The following TAFA1 variants were observed in gnomAD, a reference collection of about 807,000 sequenced individuals.
TAFA1 encodes TAFA chemokine like family member 1, also known as chemokine-like protein TAFA-1.
In TAFA1, 4 loss-of-function variants were observed where a neutral mutation model predicts 18.5. The ratio of observed to expected loss-of-function variants is 0.22; its 90% CI spans 0.11 to 0.49. The LOEUF is 0.49. Among genes scored for constraint, TAFA1 ranks in the 20% least tolerant of loss-of-function variants. The pLI is 0.98. For synonymous variants in TAFA1, 56 were observed against 55.2 expected (o/e 1.01, Z -0.06); for missense variants, 147 against 169.0 (o/e 0.87, Z 0.72).
intron 3 of TAFA1, among the ~76,000 whole-genome samples, chr3:68,518,678 G>A (rs866330929): frequency 3.9e-5 from 6 of 152,118 alleles, no homozygotes; most frequent in East Asian, 1.9e-4. Flanking sequence ...TGGCTGTTTC[G>A]TTCACATCTG....
At chr3:68,352,949 A>T (rs965129777) in intron 2 of TAFA1, among the ~76,000 whole-genome samples, 7 of 152,060 alleles carry the variant, frequency 4.6e-5, no homozygotes, top group African/African-American at 1.7e-4. Flanking sequence ...TTCTGTTCTG[A>T]CCAAATCTAA....
At chr3:68,121,893 G>A (rs1241426432) in intron 2 of TAFA1, among the ~76,000 whole-genome samples, 1 of 151,842 alleles carries the variant, frequency 6.6e-6, no homozygotes, top group Non-Finnish European at 1.5e-5. Flanking sequence ...CTGGGAGGAG[G>A]GAAGATTAAT....
rs1433008320 is a variant in TAFA1, at chr3:68,004,314, G to C, written c.-392G>C. 6.6e-6 allele frequency: 1 copy of C among 152,150 alleles called. No individual in the cohort carries two copies. The highest frequency in any genetic ancestry group is 1.5e-5 in the Non-Finnish European group (1 of 68,062). The allele number at this position is 152,150 out of a possible 1,614,324, so 9.4% of individuals were successfully genotyped here. On this transcript the variant is annotated 5_prime_UTR_variant, in exon 1 of 5. Transcript: ENST00000478136. ...ACATTTTGCTGCCTTACTCTGCCCC[G>C]AATGCACTGGAGTGGGGATGGTCCA...
intron 2 of TAFA1, among the ~76,000 whole-genome samples, chr3:68,189,368 C>G (rs752589479): frequency 2.0e-5 from 3 of 151,904 alleles, no homozygotes; most frequent in Non-Finnish European, 4.4e-5. Context: ...TACTACCATT[C>G]AACCCTGTCC....
At chr3:68,328,626 A>G (rs766744253) in intron 2 of TAFA1, among the ~76,000 whole-genome samples, 12 of 152,140 alleles carry the variant, frequency 7.9e-5, no homozygotes, top group Non-Finnish European at 1.6e-4. Flanking sequence ...TGAGGCATAG[A>G]TGTGTTACCT....
In TAFA1 at chr3:68,429,386, A is replaced by G. The variant is rs536657238; in HGVS notation, c.259+11966A>G. On this transcript the variant is annotated intron_variant, in intron 3 of 4. Transcript: ENST00000478136. Reference sequence around the variant, plus strand: ...TAGGTACTATTATTCCCACTTTACAAGGGAAGAACCTGATGCCTTAGAGAA... The same window carrying G: ...TAGGTACTATTATTCCCACTTTACAGGGGAAGAACCTGATGCCTTAGAGAA... 2.0e-5 allele frequency among the ~76,000 whole-genome samples: 3 copies of G among 152,000 alleles called. No homozygotes were observed. The East Asian group carries it at 5.8e-4, about 30-fold the overall frequency.
chr3:68,178,907 T>C (rs1324730185), intron 2 of TAFA1, among the ~76,000 whole-genome samples: 1 of 152,204 alleles, frequency 6.6e-6, no homozygotes, highest in Non-Finnish European at 1.5e-5. Context: ...CAGTAGTATC[T>C]CTCTGAGCTT....
At chr3:68,539,697 T>TGGGGGGGG (rs2073340826) in intron 4 of TAFA1, among the ~76,000 whole-genome samples, 1 of 18,836 alleles carries the variant, frequency 5.3e-5, no homozygotes, top group Non-Finnish European at 9.3e-5. Context: ...ATGGGGTGGG[T>TGGGGGGGG]GGGTGGGTGT....
At position 68,040,632 on chromosome 3, in the gene TAFA1, A is replaced by G. The variant is rs755856639; in HGVS notation, c.118+33888A>G. Among the ~76,000 whole-genome samples, 37 of 152,336 alleles carry G rather than the reference A, an allele frequency of 2.4e-4. 1 individual carries two copies. Among genetic ancestry groups the G allele is most frequent in the Middle Eastern group, 3.4e-3 (1 of 294 alleles). ...CAGTGGCTCAGGAAGTGTGGTCATC[A>G]TACCAGCAGCATCAACATCACCTGA... On this transcript the variant is annotated intron_variant, in intron 2 of 4. Transcript: ENST00000478136.
chr3:68,435,837 A>G (rs2071258194), intron 3 of TAFA1, among the ~76,000 whole-genome samples: 1 of 152,186 alleles, frequency 6.6e-6, no homozygotes, highest in Admixed American at 6.6e-5. Flanking sequence ...TATCTTAACC[A>G]TGTAAAAACA....
chr3:68,509,526 AT>A (rs2072814748), intron 3 of TAFA1, among the ~76,000 whole-genome samples: 2 of 152,104 alleles, frequency 1.3e-5, no homozygotes, highest in South Asian at 4.1e-4. Flanking sequence ...TACTATCTGG[AT>A]TTTCATGTAA....
Position 68,352,920 on chromosome 3 carries a change from T to C in TAFA1, c.119-64360T>C, listed in dbSNP as rs556273366. The stretch of plus-strand genomic sequence containing the variant: ...TACCTATGATGACCTTCCCAGGGTA[T>C]AGGGCTGCCTTTGGAGACTTCTGTT... On this transcript the variant is annotated intron_variant, in intron 2 of 4. Transcript: ENST00000478136. Among the ~76,000 whole-genome samples, 4 of 152,166 alleles carry C rather than the reference T, an allele frequency of 2.6e-5. No individual in the cohort carries two copies. In the East Asian group the frequency reaches 7.8e-4, roughly 29 times the overall value.
chr3:68,168,447 TTAA>T (rs1393950223), intron 2 of TAFA1, among the ~76,000 whole-genome samples: 2 of 152,230 alleles, frequency 1.3e-5, no homozygotes, highest in African/African-American at 4.8e-5. Context: ...AAAGCAAGTG[TTAA>T]TAGTTGATAG....
chr3:68,534,974 T>G (rs1047836815), intron 3 of TAFA1, among the ~76,000 whole-genome samples: 1 of 152,134 alleles, frequency 6.6e-6, no homozygotes, highest in East Asian at 1.9e-4. Flanking sequence ...AAATGCTAAG[T>G]TGAAGGGTTG....
intron 2 of TAFA1, among the ~76,000 whole-genome samples, chr3:68,080,757 A>G (rs1575606048): frequency 6.6e-6 from 1 of 151,838 alleles, no homozygotes; most frequent in Admixed American, 6.5e-5. Context: ...TTTTTCCTTC[A>G]TTTCAACTTT....
At chr3:68,374,853 C>G (rs1324772752) in intron 2 of TAFA1, among the ~76,000 whole-genome samples, 1 of 152,128 alleles carries the variant, frequency 6.6e-6, no homozygotes, top group African/African-American at 2.4e-5. Flanking sequence ...ATCTCAGACA[C>G]TTTATCTCTA....
chr3:68,354,286 T>G (rs1279348055), intron 2 of TAFA1, among the ~76,000 whole-genome samples: 1 of 152,142 alleles, frequency 6.6e-6, no homozygotes, highest in East Asian at 1.9e-4. Flanking sequence ...GATTTCACAC[T>G]TCCTTTGAAA....
intron 2 of TAFA1, among the ~76,000 whole-genome samples, chr3:68,259,801 T>C (rs2067374827): frequency 6.6e-6 from 1 of 152,138 alleles, no homozygotes; most frequent in African/African-American, 2.4e-5. Context: ...TCCTGAGACT[T>C]TGCTGAAGTT....
At chr3:68,405,004 A>G (rs537731072) in intron 2 of TAFA1, among the ~76,000 whole-genome samples, 1 of 152,214 alleles carries the variant, frequency 6.6e-6, no homozygotes, top group African/African-American at 2.4e-5. Context: ...TTTCCATTGG[A>G]AAAAAATTCC....
Sources: gnomAD v4.1 joint callset for allele counts (sites outside exome capture counted in the v4.1 genomes callset) on GRCh38, gnomAD v4.1.1 for gene constraint, MANE v1.5 for transcripts, NCBI Gene and HGNC (gene_info 2026-07-23, HGNC 2026-07-21) for gene names.